The following LRMDA variants were observed in gnomAD, a reference collection of about 807,000 sequenced individuals.
LRMDA encodes the protein leucine rich melanocyte differentiation associated.
A neutral mutation model predicts 29.8 loss-of-function variants in LRMDA; 18 were observed. The ratio of observed to expected loss-of-function variants is 0.60; its 90% CI spans 0.42 to 0.90. The LOEUF (loss-of-function observed/expected upper bound fraction) is 0.90. LRMDA is among the 40% of genes least tolerant of loss of function. LRMDA has a pLI of 0.00. For missense variants in LRMDA, 273 were observed against 273.9 expected (o/e 1.00, Z 0.02); for synonymous variants, 125 against 109.4 (o/e 1.14, Z -0.89).
intron 2 of LRMDA, among the ~76,000 whole-genome samples, chr10:75,687,575 TG>T (rs1474166591): frequency 1.3e-5 from 2 of 152,214 alleles, no homozygotes; most frequent in African/African-American, 4.8e-5. Context: ...AACATGAAAG[TG>T]CAAGGTGAAG....
chr10:75,760,920 A>C (rs1843086453), intron 2 of LRMDA, among the ~76,000 whole-genome samples: 1 of 152,202 alleles, frequency 6.6e-6, no homozygotes, highest in Non-Finnish European at 1.5e-5. Context: ...AGATGCCTCA[A>C]GTGTGTGCTG....
intron 2 of LRMDA, among the ~76,000 whole-genome samples, chr10:75,963,728 G>T (rs1249741921): frequency 2.0e-5 from 3 of 152,196 alleles, no homozygotes; most frequent in Non-Finnish European, 4.4e-5. Flanking sequence ...GAGGGCAAAA[G>T]AGATGCAAAA....
chr10:75,713,673 A>G (rs1402782833), intron 2 of LRMDA, among the ~76,000 whole-genome samples: 1 of 152,234 alleles, frequency 6.6e-6, no homozygotes, highest in Non-Finnish European at 1.5e-5. Context: ...TACATTCAAG[A>G]AACCTAGAAT....
intron 5 of LRMDA, among the ~76,000 whole-genome samples, chr10:76,321,943 T>TCAA (rs141935358): frequency 0.15 from 23,112 of 151,988 alleles, 3,087 homozygotes; most frequent in African/African-American, 0.36. Flanking sequence ...AGATTCTGTC[T>TCAA]CAACAACAAC....
At chr10:76,088,485 A>T (rs899690505) in intron 5 of LRMDA, among the ~76,000 whole-genome samples, 3 of 152,232 alleles carry the variant, frequency 2.0e-5, no homozygotes, top group African/African-American at 7.2e-5. Context: ...TTGGTTGCCA[A>T]TAAACAGGAA....
At chr10:76,230,726 A>C (rs1157331451) in intron 5 of LRMDA, among the ~76,000 whole-genome samples, 4 of 152,204 alleles carry the variant, frequency 2.6e-5, no homozygotes, top group African/African-American at 7.2e-5. Flanking sequence ...AGACTTGTCA[A>C]TTTCAACAAC....
At chr10:75,511,650 T>A (rs530563275) in intron 2 of LRMDA, among the ~76,000 whole-genome samples, 1 of 152,330 alleles carries the variant, frequency 6.6e-6, no homozygotes, top group East Asian at 1.9e-4. Flanking sequence ...CTATCTCCCA[T>A]GTTGTGTAAA....
chr10:75,620,170 A>G (rs984633029), intron 2 of LRMDA, among the ~76,000 whole-genome samples: 3 of 152,192 alleles, frequency 2.0e-5, no homozygotes, highest in Non-Finnish European at 2.9e-5. Context: ...AGGCCTGGTC[A>G]TGTTTTCATC....
chr10:75,500,848 C>T (rs982080999), intron 2 of LRMDA, among the ~76,000 whole-genome samples: 1 of 152,134 alleles, frequency 6.6e-6, no homozygotes, highest in Non-Finnish European at 1.5e-5. Flanking sequence ...CCACCAGGTC[C>T]CTCGCTCGAT....
At chr10:76,313,929 G>T (rs1446807996) in intron 5 of LRMDA, among the ~76,000 whole-genome samples, 1 of 151,978 alleles carries the variant, frequency 6.6e-6, no homozygotes, top group Non-Finnish European at 1.5e-5. Flanking sequence ...TAATGAGTAT[G>T]TCAGAACTTT....
chr10:75,711,382 A>G (rs2132177758), intron 2 of LRMDA, among the ~76,000 whole-genome samples: 1 of 152,324 alleles, frequency 6.6e-6, no homozygotes, highest in East Asian at 1.9e-4. Flanking sequence ...GGATCAAGTC[A>G]CATACATGAA....
rs541202969 is a variant in LRMDA at position 76,337,511 on chromosome 10, G to A, written c.601+13026G>A. ...AAAAGTGGTCCAGGCTGAGGAAGGAGCAAGTGCAAGGCCCTGAGGTGGGAG... is the reference window on the plus strand; with the variant it reads ...AAAAGTGGTCCAGGCTGAGGAAGGAACAAGTGCAAGGCCCTGAGGTGGGAG... On this transcript the variant is annotated intron_variant, in intron 6 of 6. Coordinates refer to ENST00000611255, the MANE Select transcript of LRMDA (RefSeq NM_001305581.2). 1.1e-4 allele frequency among the ~76,000 whole-genome samples: 17 copies of A among 152,260 alleles called. No homozygotes were observed. In the East Asian group the frequency reaches 2.3e-3, roughly 21 times the overall value.
At chr10:75,792,259 G>GTTTGTTTT (rs1181787375) in intron 2 of LRMDA, among the ~76,000 whole-genome samples, 1 of 146,246 alleles carries the variant, frequency 6.8e-6, no homozygotes, top group Non-Finnish European at 1.5e-5. Flanking sequence ...AGGTACTGGT[G>GTTTGTTTT]TTTGTTTGTT....
intron 6 of LRMDA, among the ~76,000 whole-genome samples, chr10:76,409,813 G>A (rs546716410): frequency 2.6e-5 from 4 of 152,274 alleles, no homozygotes; most frequent in African/African-American, 9.6e-5. Flanking sequence ...ACTGGGCAGT[G>A]TCCAGAATAA....
At chr10:75,788,046 C>CAA (rs1157205572) in intron 2 of LRMDA, among the ~76,000 whole-genome samples, 1 of 150,776 alleles carries the variant, frequency 6.6e-6, no homozygotes, top group Non-Finnish European at 1.5e-5. Context: ...AAAACAAAAA[C>CAA]AAAAATTAGC....
At chr10:75,498,745 C>T (rs1845077951) in intron 2 of LRMDA, among the ~76,000 whole-genome samples, 1 of 151,998 alleles carries the variant, frequency 6.6e-6, no homozygotes, top group South Asian at 2.1e-4. Flanking sequence ...GGTATAAACA[C>T]TGGAGAGGGA....
chr10:75,436,056 T>TAA (rs201038266), intron 1 of LRMDA, among the ~76,000 whole-genome samples: 7 of 127,002 alleles, frequency 5.5e-5, no homozygotes, highest in Non-Finnish European at 8.7e-5. Flanking sequence ...CCCATCTCTT[T>TAA]AAAAAAAAAA....
chr10:76,022,130 A>G (rs1847984267), intron 2 of LRMDA, among the ~76,000 whole-genome samples: 1 of 152,160 alleles, frequency 6.6e-6, no homozygotes, highest in South Asian at 2.1e-4. Context: ...GGTCACTTGG[A>G]AGCAGAAGAA....
At chr10:75,835,720 G>A (rs939048084) in intron 2 of LRMDA, among the ~76,000 whole-genome samples, 2 of 152,230 alleles carry the variant, frequency 1.3e-5, no homozygotes, top group Admixed American at 1.3e-4. Context: ...CAGTTGTAAA[G>A]TGAGGGGATT....
Sources: allele counts gnomAD v4.1 joint callset (sites outside exome capture counted in the v4.1 genomes callset), GRCh38; gene constraint gnomAD v4.1.1; transcripts MANE v1.5; gene names NCBI Gene and HGNC (gene_info 2026-07-23, HGNC 2026-07-21).